Variants in TEX11 observed in about 807,000 individuals in gnomAD.
The protein encoded by TEX11 is testis expressed 11, also known as testis-expressed protein 11.
TEX11 carries 7 observed loss-of-function variants against 84.4 expected under a neutral mutation model. The ratio of observed to expected loss-of-function variants is 0.08; its 90% CI spans 0.05 to 0.16. The LOEUF (loss-of-function observed/expected upper bound fraction) is 0.16, where lower values mean the gene tolerates loss of function less well. Among genes scored for constraint, TEX11 ranks in the 10% least tolerant of loss-of-function variants. The pLI, the probability that TEX11 is intolerant of heterozygous loss-of-function variation, is 1.00. For missense variants in TEX11, 551 were observed against 660.5 expected (o/e 0.83, Z 1.82); for synonymous variants, 264 against 222.8 (o/e 1.18, Z -1.64).
At chrX:70,761,519 C>G (rs1438581076) in intron 9 of TEX11, among the ~76,000 whole-genome samples, 1 of 111,593 alleles carries the variant, frequency 9.0e-6, no homozygotes, top group Non-Finnish European at 1.9e-5. Flanking sequence ...GACAGAAAAC[C>G]AAACACCGCA....
chrX:70,513,421 A>AAT, the TEX11 span, among the ~76,000 whole-genome samples: 13 of 105,603 alleles, frequency 1.2e-4, no homozygotes, highest in African/African-American at 3.1e-4. Context: ...AATGAAATGA[A>AAT]ATATATATAT....
At chrX:70,692,265 T>C (rs1472373359) in intron 13 of TEX11, among the ~76,000 whole-genome samples, 1 of 111,691 alleles carries the variant, frequency 9.0e-6, no homozygotes, top group Non-Finnish European at 1.9e-5. Context: ...GCTTTTTTTC[T>C]TTTGTTTTTT....
intron 13 of TEX11, among the ~76,000 whole-genome samples, chrX:70,721,756 A>T (rs1244088299): frequency 8.9e-6 from 1 of 112,024 alleles, no homozygotes; most frequent in Non-Finnish European, 1.9e-5. Context: ...ACGACGGCAG[A>T]GTTGACTAGT....
intron 25 of TEX11, among the ~76,000 whole-genome samples, chrX:70,560,017 ATT>A (rs56294960): frequency 9.2e-6 from 1 of 108,832 alleles, no homozygotes; most frequent in Non-Finnish European, 1.9e-5. Flanking sequence ...TTAACACTTG[ATT>A]TTTTTTTTAG....
At chrX:70,682,052 C>T (rs775830670) in intron 14 of TEX11, among the ~76,000 whole-genome samples, 66 of 111,700 alleles carry the variant, frequency 5.9e-4, no homozygotes, top group Admixed American at 2.3e-3. Flanking sequence ...TCTACATGCA[C>T]TTAGTTGGAA....
At chrX:70,571,143 C>G (rs1236221877) in intron 25 of TEX11, among the ~76,000 whole-genome samples, 1 of 110,899 alleles carries the variant, frequency 9.0e-6, no homozygotes, top group Non-Finnish European at 1.9e-5. Flanking sequence ...CTCAGCCTCC[C>G]CAGTAGCTGT....
chrX:70,687,094 CATT>C (rs924751677), intron 13 of TEX11, among the ~76,000 whole-genome samples: 5 of 111,232 alleles, frequency 4.5e-5, no homozygotes, highest in African/African-American at 1.3e-4. Context: ...ACCTACACAT[CATT>C]ATTATCAGGC....
intron 25 of TEX11, among the ~76,000 whole-genome samples, chrX:70,581,461 G>T (rs2088775124): frequency 9.2e-6 from 1 of 109,285 alleles, no homozygotes; most frequent in Non-Finnish European, 1.9e-5. Flanking sequence ...ACCACACCCG[G>T]CTAATTTTTT....
chrX:70,574,463 T>C (rs1175737803), intron 25 of TEX11, among the ~76,000 whole-genome samples: 1 of 111,651 alleles, frequency 9.0e-6, no homozygotes, highest in Non-Finnish European at 1.9e-5. Context: ...TTTCTAAATG[T>C]TCCTCTCCCA....
chrX:70,805,362 G>A (rs1410712526), intron 9 of TEX11, among the ~76,000 whole-genome samples: 1 of 109,686 alleles, frequency 9.1e-6, no homozygotes, highest in East Asian at 2.9e-4. Flanking sequence ...TAAACATTTA[G>A]TGAATTGATT....
chrX:70,746,613 A>G (rs1056737035), intron 9 of TEX11, among the ~76,000 whole-genome samples: 104 of 112,247 alleles, frequency 9.3e-4, no homozygotes, highest in African/African-American at 3.3e-3. Context: ...AAGAGGAAGA[A>G]CTCTGCATCT....
chrX:70,535,891 G>A (rs1353484320), intron 28 of TEX11, among the ~76,000 whole-genome samples: 2 of 109,220 alleles, frequency 1.8e-5, no homozygotes, highest in Non-Finnish European at 3.8e-5. Flanking sequence ...ACATGCATGA[G>A]CCACTCCACC....
chrX:70,813,710 A>G (rs1486487304), intron 8 of TEX11, among the ~76,000 whole-genome samples: 2 of 111,868 alleles, frequency 1.8e-5, no homozygotes, highest in Non-Finnish European at 3.8e-5. Flanking sequence ...CCATCGTCTC[A>G]GCCCAAAATC....
chrX:70,703,189 C>G (rs1251449545), intron 13 of TEX11, among the ~76,000 whole-genome samples: 2 of 111,414 alleles, frequency 1.8e-5, no homozygotes, highest in Non-Finnish European at 3.8e-5. Context: ...ATACTCATGA[C>G]CACTACACAA....
At chrX:70,861,148 G>A (rs1327132500) in intron 4 of TEX11, among the ~76,000 whole-genome samples, 36 of 92,730 alleles carry the variant, frequency 3.9e-4, no homozygotes, top group Admixed American at 2.8e-3. Flanking sequence ...TGCAAGCTCC[G>A]CCTCCCGGGT....
At chrX:70,736,352 A>G (rs958889201) in intron 11 of TEX11, among the ~76,000 whole-genome samples, 1 of 111,330 alleles carries the variant, frequency 9.0e-6, no homozygotes, top group Non-Finnish European at 1.9e-5. Flanking sequence ...ACTAATTACA[A>G]CTAAGAACTC....
the TEX11 span, among the ~76,000 whole-genome samples, chrX:70,519,486 TTAGTC>T: frequency 8.9e-6 from 1 of 112,260 alleles, no homozygotes; most frequent in Admixed American, 9.5e-5. Flanking sequence ...AGATCAGCTG[TTAGTC>T]CAATGGGCTT....
chrX:70,731,571 C>T (rs1375510181), intron 11 of TEX11, among the ~76,000 whole-genome samples: 1 of 111,667 alleles, frequency 9.0e-6, no homozygotes, highest in Non-Finnish European at 1.9e-5. Context: ...GGATAAATTC[C>T]TCGATACATA....
intron 7 of TEX11, among the ~76,000 whole-genome samples, chrX:70,841,536 C>A (rs1453434732): frequency 1.8e-5 from 2 of 110,518 alleles, no homozygotes; most frequent in Admixed American, 9.7e-5. Flanking sequence ...CAGAAAAGAT[C>A]CAAAATTGAC....
Sources: gnomAD v4.1 joint callset for allele counts (sites outside exome capture counted in the v4.1 genomes callset) on GRCh38, gnomAD v4.1.1 for gene constraint, MANE v1.5 for transcripts, NCBI Gene and HGNC (gene_info 2026-07-23, HGNC 2026-07-21) for gene names.